OCA2: variants seen among roughly 807,000 people sequenced by gnomAD.
The protein encoded by OCA2 is OCA2 melanosomal transmembrane protein.
A neutral mutation model predicts 100.2 loss-of-function variants in OCA2; 77 were observed. That is an observed-to-expected ratio of 0.77 (90% CI 0.64 to 0.93). The LOEUF is 0.93. OCA2 is among the 40% of genes least tolerant of loss of function. The pLI is 0.00. For missense variants in OCA2, 1,062 were observed against 1,089.1 expected (o/e 0.98, Z 0.35); for synonymous variants, 432 against 439.2 (o/e 0.98, Z 0.21).
intron 16 of OCA2, among the ~76,000 whole-genome samples, chr15:27,956,345 G>A (rs183546655): frequency 9.0e-4 from 137 of 152,206 alleles, no homozygotes; most frequent in African/African-American, 2.7e-3. Context: ...GCGAAACTCC[G>A]TCTCAAAAAA....
At chr15:27,966,456 G>C (rs1301221498) in intron 15 of OCA2, among the ~76,000 whole-genome samples, 1 of 152,132 alleles carries the variant, frequency 6.6e-6, no homozygotes, top group Non-Finnish European at 1.5e-5. Flanking sequence ...GTTGTACATG[G>C]TGGCCATTAC....
intron 23 of OCA2, among the ~76,000 whole-genome samples, chr15:27,836,150 G>A (rs2035142589): frequency 6.6e-6 from 1 of 152,138 alleles, no homozygotes; most frequent in Non-Finnish European, 1.5e-5. Context: ...GATTAGAAGG[G>A]TTCAATATAC....
chr15:27,896,052 G>A, intron 19 of OCA2: 1 of 1,185,540 alleles, frequency 8.4e-7, no homozygotes, highest in Non-Finnish European at 1.2e-6. Flanking sequence ...GATCTATGAA[G>A]GCCAAGTGGA....
intron 1 of OCA2, among the ~76,000 whole-genome samples, chr15:28,082,187 ATGGACCAATCAGCACTCTGTACAG>A (rs1231436215): frequency 5.9e-5 from 9 of 152,182 alleles, no homozygotes; most frequent in Admixed American, 1.3e-4. Context: ...AATCTATAAA[ATGGACCAATCAGCACTCTGTACAG>A]TGGACCAATC....
the OCA2 span, among the ~76,000 whole-genome samples, chr15:27,727,274 A>G: frequency 0.41 from 61,808 of 152,088 alleles, 14,944 homozygotes; most frequent in African/African-American, 0.68. Context: ...CCTGTACATC[A>G]ACTGAGAGTC....
At chr15:27,797,372 G>C (rs114211827) in intron 23 of OCA2, among the ~76,000 whole-genome samples, 153 of 152,278 alleles carry the variant, frequency 1.0e-3, no homozygotes, top group African/African-American at 3.6e-3. Flanking sequence ...GTACCCTCCA[G>C]ACACAGAGAA....
intron 23 of OCA2, among the ~76,000 whole-genome samples, chr15:27,820,296 G>A (rs1198213770): frequency 6.6e-6 from 1 of 152,176 alleles, no homozygotes; most frequent in Non-Finnish European, 1.5e-5. Flanking sequence ...CACCAGCACA[G>A]TACAGAAGTG....
Position 27,851,243 on chromosome 15 carries a change from C to T in OCA2, c.2338+139G>A, listed in dbSNP as rs137948023. 1.4e-5 allele frequency: 11 copies of T among 775,576 alleles called. No homozygotes were observed. In the East Asian group the frequency reaches 3.0e-4, roughly 21 times the overall value. 48.0% of individuals were successfully genotyped at this position (775,576 alleles called of 1,614,324 possible). On this transcript the variant is annotated intron_variant, in intron 22 of 23. Transcript: ENST00000354638. Reference sequence around the variant, plus strand: ...TTGCTCTGGAATTGCTCTGTCAAAGCTGAATATGTGTGTCCACTCAGGAAA... The same window carrying T: ...TTGCTCTGGAATTGCTCTGTCAAAGTTGAATATGTGTGTCCACTCAGGAAA...
intron 19 of OCA2, among the ~76,000 whole-genome samples, chr15:27,881,856 A>C (rs985150647): frequency 1.3e-5 from 2 of 151,974 alleles, no homozygotes; most frequent in South Asian, 2.1e-4. Context: ...AGGGCTTTTC[A>C]TGTCTCTAGC....
At chr15:27,954,116 T>TACACACACACACACACAC (rs200633980) in intron 17 of OCA2, among the ~76,000 whole-genome samples, 15 of 46,496 alleles carry the variant, frequency 3.2e-4, no homozygotes, top group African/African-American at 5.5e-4. Flanking sequence ...TTCCATGGCA[T>TACACACACACACACACAC]ACACACACAC....
intron 18 of OCA2, among the ~76,000 whole-genome samples, chr15:27,942,979 G>A (rs2039703555): frequency 6.6e-6 from 1 of 151,996 alleles, no homozygotes; most frequent in African/African-American, 2.4e-5. Context: ...TTATTATCAG[G>A]TTAACACAAA....
At chr15:27,880,061 T>C (rs1380760619) in intron 19 of OCA2, among the ~76,000 whole-genome samples, 1 of 152,230 alleles carries the variant, frequency 6.6e-6, no homozygotes, top group Non-Finnish European at 1.5e-5. Context: ...GTTTCAATTT[T>C]CTGCATGTGG....
At chr15:28,027,816 G>A in intron 4 of OCA2, 55 bp downstream of exon 4, 1 of 1,573,664 alleles carries the variant, frequency 6.4e-7, no homozygotes. Flanking sequence ...GGGCCATGTA[G>A]GACGCGATGT....
intron 23 of OCA2, among the ~76,000 whole-genome samples, chr15:27,762,186 C>T (rs1164752801): frequency 6.6e-6 from 1 of 152,072 alleles, no homozygotes; most frequent in Admixed American, 6.5e-5. Flanking sequence ...TCACCCTCTC[C>T]CACCCTCCCA....
chr15:28,053,966 G>A (rs188490650), intron 2 of OCA2, among the ~76,000 whole-genome samples: 37 of 152,266 alleles, frequency 2.4e-4, no homozygotes, highest in Admixed American at 2.2e-3. Context: ...TGAGGGTCCA[G>A]AGTAACAGAA....
intron 2 of OCA2, among the ~76,000 whole-genome samples, chr15:28,076,000 T>C (rs1452828480): frequency 1.3e-5 from 2 of 152,248 alleles, no homozygotes; most frequent in African/African-American, 4.8e-5. Context: ...TCACCATTTC[T>C]GGTGAAATTA....
chr15:27,787,903 T>G (rs1595410539), intron 23 of OCA2, among the ~76,000 whole-genome samples: 1 of 152,172 alleles, frequency 6.6e-6, no homozygotes, highest in Non-Finnish European at 1.5e-5. Flanking sequence ...TTGAGTTATA[T>G]CTCATATATT....
At chr15:27,988,834 T>A (rs970898581) in intron 11 of OCA2, among the ~76,000 whole-genome samples, 2 of 152,200 alleles carry the variant, frequency 1.3e-5, no homozygotes, top group Non-Finnish European at 1.5e-5. Flanking sequence ...CCTGCCTCCC[T>A]GCGCACCACC....
chr15:28,039,211 C>G (rs768731753), intron 2 of OCA2, among the ~76,000 whole-genome samples: 1 of 152,070 alleles, frequency 6.6e-6, no homozygotes. Context: ...TTGAAGACTT[C>G]AATACTTCAC....
Sources: gnomAD v4.1 joint callset for allele counts (sites outside exome capture counted in the v4.1 genomes callset) on GRCh38, gnomAD v4.1.1 for gene constraint, MANE v1.5 for transcripts, NCBI Gene and HGNC (gene_info 2026-07-23, HGNC 2026-07-21) for gene names.